Variants in GOLIM4 observed in about 807,000 individuals in gnomAD.
The protein encoded by GOLIM4 is golgi integral membrane protein 4.
In GOLIM4, 71 loss-of-function variants were observed where a neutral mutation model predicts 107.4. The ratio of observed to expected loss-of-function variants is 0.66; its 90% CI spans 0.55 to 0.81. The LOEUF is 0.81. Among genes scored for constraint, GOLIM4 ranks in the 30% least tolerant of loss-of-function variants. The pLI, the probability that GOLIM4 is intolerant of heterozygous loss-of-function variation, is 0.00. For synonymous variants in GOLIM4, 327 were observed against 294.8 expected (o/e 1.11, Z -1.12); for missense variants, 830 against 826.1 (o/e 1.00, Z -0.06).
chr3:168,047,772 A>C (rs768912687), intron 2 of GOLIM4, among the ~76,000 whole-genome samples: 6 of 152,246 alleles, frequency 3.9e-5, no homozygotes, highest in Non-Finnish European at 8.8e-5. Flanking sequence ...TCCTAAATGT[A>C]AACTTTCAAA....
chr3:168,067,929 C>G (rs893173818), intron 1 of GOLIM4, among the ~76,000 whole-genome samples: 3 of 151,966 alleles, frequency 2.0e-5, no homozygotes, highest in Non-Finnish European at 4.4e-5. Context: ...TTTCCATCAT[C>G]TTTTCTTTCA....
Position 168,029,814 on chromosome 3 carries a change from C to T in GOLIM4, c.1399G>A (p.Glu467Lys). 6.2e-7 allele frequency: 1 copy of T among 1,614,040 alleles called. No individual in the cohort carries two copies. Among genetic ancestry groups the T allele is most frequent in the African/African-American group, 1.3e-5 (1 of 75,054 alleles). ...TCCTGGTGCTGCGGCCGGCCCTCCT[C>T]AAGCTCAGCCTGCCTCTGCAGGGCC... ...EMALQRQAEL[E>K]EGRPQHQEQL... The change falls in exon 10 of 16, where the codon GAG (glutamate) becomes AAG (lysine). Residue 467 changes from glutamate to lysine, a missense_variant. Physicochemically the swap from Glu to Lys is moderately conservative, Grantham distance 56. Transcript: ENST00000470487.
intron 10 of GOLIM4, 53 bp downstream of exon 10, chr3:168,029,727 T>C (rs1054502547): frequency 3.8e-6 from 6 of 1,589,882 alleles, no homozygotes; most frequent in Non-Finnish European, 4.3e-6. Context: ...TTAATTTGCG[T>C]ATGAAAACTG....
At chr3:168,031,574 A>C (rs1051013448) in intron 9 of GOLIM4, among the ~76,000 whole-genome samples, 2 of 152,202 alleles carry the variant, frequency 1.3e-5, no homozygotes, top group African/African-American at 4.8e-5. Context: ...TTAAGGAAAG[A>C]GGTAGAGGGT....
At chr3:168,065,425 G>C (rs2108272379) in intron 1 of GOLIM4, among the ~76,000 whole-genome samples, 1 of 152,262 alleles carries the variant, frequency 6.6e-6, no homozygotes, top group Middle Eastern at 3.4e-3. Context: ...TCAATAACTT[G>C]AAAAATATTA....
At chr3:168,045,974 T>C (rs767977298) in intron 3 of GOLIM4, among the ~76,000 whole-genome samples, 6 of 152,146 alleles carry the variant, frequency 3.9e-5, no homozygotes, top group Non-Finnish European at 7.4e-5. Flanking sequence ...TTTAAACTCC[T>C]AGGCTCAAGT....
rs1282842135 is a variant in GOLIM4, at chr3:168,095,450, C to T, written c.-165G>A. On this transcript the variant is annotated 5_prime_UTR_variant, in exon 1 of 16. Coordinates refer to ENST00000470487, the MANE Select transcript of GOLIM4 (RefSeq NM_014498.5). ...AGGGGAAGTGGCGCCCGCTCAGCCC[C>T]CGCGCGGCGCGGGGCGCGCAGCCAT... 2 of 558,556 alleles carry T rather than the reference C, an allele frequency of 3.6e-6. No individual in the cohort carries two copies. The highest frequency in any genetic ancestry group is 3.5e-5 in the East Asian group (1 of 28,670). 34.6% of individuals were successfully genotyped at this position (558,556 alleles called of 1,614,324 possible).
chr3:168,081,123 T>C (rs1461976436), intron 1 of GOLIM4, among the ~76,000 whole-genome samples: 1 of 152,148 alleles, frequency 6.6e-6, no homozygotes, highest in Non-Finnish European at 1.5e-5. Context: ...CACCCCAGAA[T>C]GCAGACAAGT....
rs1355967448 is a variant in GOLIM4, at chr3:168,010,261, G to A, written c.*8C>T. 2 of 1,607,656 alleles carry A rather than the reference G, an allele frequency of 1.2e-6. No individual in the cohort carries two copies. The highest frequency in any genetic ancestry group is 4.5e-5 in the East Asian group (2 of 44,730). On this transcript the variant is annotated 3_prime_UTR_variant, in exon 16 of 16. Coordinates refer to ENST00000470487, the MANE Select transcript of GOLIM4 (RefSeq NM_014498.5). ...GTTGGCTGAGCGTTGTCTAGAAATT[G>A]GGTGCCGCTACATTTCAGCTCTTCG...
intron 5 of GOLIM4, 112 bp downstream of exon 5, chr3:168,043,267 C>A (rs985855682): frequency 9.9e-6 from 7 of 709,874 alleles, no homozygotes; most frequent in African/African-American, 9.1e-5. Flanking sequence ...GGTAAAGGAC[C>A]ACATGATAAA....
intron 1 of GOLIM4, among the ~76,000 whole-genome samples, chr3:168,080,947 T>C (rs1721331689): frequency 6.6e-6 from 1 of 152,124 alleles, no homozygotes; most frequent in Non-Finnish European, 1.5e-5. Flanking sequence ...TTTATAGGAG[T>C]GATTTGACTT....
chr3:168,062,647 G>C (rs1047011738), intron 1 of GOLIM4, among the ~76,000 whole-genome samples: 1 of 152,168 alleles, frequency 6.6e-6, no homozygotes, highest in Non-Finnish European at 1.5e-5. Flanking sequence ...AGTAATAGCA[G>C]AGGCTTTGCA....
rs962965516 is a variant in GOLIM4, at chr3:168,048,264, C to A, written c.262+27G>T. The A allele has an allele frequency of 2.5e-6, 3 of 1,187,326 alleles. No homozygotes were observed. The South Asian group carries it at 4.0e-5, about 16-fold the overall frequency. The allele number at this position is 1,187,326 out of a possible 1,614,324, so 73.5% of individuals were successfully genotyped here. ...GTCAAAGAAGAGTACTGGAAAAACA[C>A]AGAACACAAATTATGTATTTACTTA... On this transcript the variant is annotated intron_variant, in intron 2 of 15. Coordinates refer to ENST00000470487, the MANE Select transcript of GOLIM4 (RefSeq NM_014498.5).
intron 8 of GOLIM4, 152 bp from the exon 9 acceptor site, chr3:168,033,004 C>T (rs956709558): frequency 1.6e-6 from 1 of 622,346 alleles, no homozygotes; most frequent in Admixed American, 2.9e-5. Flanking sequence ...GCAATGGAGT[C>T]ACTTAAGTTT....
intron 1 of GOLIM4, among the ~76,000 whole-genome samples, chr3:168,053,962 C>T (rs1042409533): frequency 2.0e-5 from 3 of 152,144 alleles, no homozygotes; most frequent in Admixed American, 6.6e-5. Flanking sequence ...CAGGACTCTC[C>T]CTCCAGTGCC....
intron 1 of GOLIM4, among the ~76,000 whole-genome samples, chr3:168,094,402 A>G (rs1477332472): frequency 6.6e-6 from 1 of 152,230 alleles, no homozygotes; most frequent in Non-Finnish European, 1.5e-5. Flanking sequence ...GTGATGAAGT[A>G]AAAGCTACTT....
Position 168,008,777 on chromosome 3 carries a change from TA to T in GOLIM4, c.*1491del, listed in dbSNP as rs1267924418. 1 of 152,128 alleles carries T rather than the reference TA, an allele frequency of 6.6e-6. No homozygotes were observed. The highest frequency in any genetic ancestry group is 1.9e-4 in the East Asian group (1 of 5,194). The allele number at this position is 152,128 out of a possible 1,614,324, so 9.4% of individuals were successfully genotyped here. Reference sequence around the variant, plus strand: ...CAACTGGGACATTAAAAATACAAGCTAATTTACCAAAATAATTGTATTCTGA... The same window carrying T: ...CAACTGGGACATTAAAAATACAAGCTATTTACCAAAATAATTGTATTCTGA... On this transcript the variant is annotated 3_prime_UTR_variant, in exon 16 of 16. Coordinates refer to ENST00000470487, the MANE Select transcript of GOLIM4 (RefSeq NM_014498.5).
intron 1 of GOLIM4, among the ~76,000 whole-genome samples, chr3:168,061,051 G>A (rs77708230): frequency 0.025 from 3,849 of 151,730 alleles, 171 homozygotes; most frequent in African/African-American, 0.088. Context: ...CTTACATATT[G>A]TTTGAATATA....
At chr3:168,040,472 C>T (rs1011589456) in intron 7 of GOLIM4, among the ~76,000 whole-genome samples, 2 of 152,178 alleles carry the variant, frequency 1.3e-5, no homozygotes, top group African/African-American at 4.8e-5. Context: ...AGAGTCAACA[C>T]AGATCAGATA....
Sources: allele counts gnomAD v4.1 joint callset (sites outside exome capture counted in the v4.1 genomes callset), GRCh38; gene constraint gnomAD v4.1.1; transcripts MANE v1.5; gene names NCBI Gene and HGNC (gene_info 2026-07-23, HGNC 2026-07-21).